Variants in XPC observed in about 807,000 individuals in gnomAD.
XPC encodes the protein XPC complex subunit, DNA damage recognition and repair factor.
XPC carries 76 observed loss-of-function variants against 95.8 expected under a neutral mutation model. That is an observed-to-expected ratio of 0.79 (90% CI 0.66 to 0.96). The LOEUF is 0.96. Among genes scored for constraint, XPC ranks in the 40% least tolerant of loss-of-function variants. XPC has a pLI of 0.00. For synonymous variants in XPC, 442 were observed against 442.1 expected, an observed-to-expected ratio of 1.00 and a Z score of 0.00; for missense variants, 1,146 against 1,179.8, an observed-to-expected ratio of 0.97 and a Z score of 0.42.
At chr3:14,172,771 G>A in intron 2 of XPC, 96 bp downstream of exon 2, 2 of 1,347,964 alleles carry the variant, frequency 1.5e-6, no homozygotes, top group Non-Finnish European at 2.0e-6. Context: ...AATCTTCCAT[G>A]GACCCCAGTG....
chr3:14,174,372 T>C (rs1376836886), intron 1 of XPC, among the ~76,000 whole-genome samples: 1 of 152,218 alleles, frequency 6.6e-6, no homozygotes, highest in Non-Finnish European at 1.5e-5. Context: ...TTCTGGATCT[T>C]ACAATGGTAG....
intron 7 of XPC, among the ~76,000 whole-genome samples, chr3:14,161,063 C>T (rs1212170453): frequency 6.6e-6 from 1 of 152,156 alleles, no homozygotes; most frequent in African/African-American, 2.4e-5. Flanking sequence ...CAGAACTGTA[C>T]GATCCCTACA....
intron 2 of XPC, among the ~76,000 whole-genome samples, chr3:14,170,979 T>G (rs1279814531): frequency 6.6e-6 from 1 of 152,196 alleles, no homozygotes; most frequent in Non-Finnish European, 1.5e-5. Flanking sequence ...TTTTCCATCT[T>G]TAAGAAATAT....
At chr3:14,170,762 C>G (rs1574975208) in intron 2 of XPC, 2 of 403,728 alleles carry the variant, frequency 5.0e-6, no homozygotes, top group East Asian at 7.6e-5. Flanking sequence ...TAATTACTAC[C>G]AGATGTGCTG....
At chr3:14,156,276 A>C in intron 10 of XPC, 59 bp downstream of exon 10, 1 of 1,553,016 alleles carries the variant, frequency 6.4e-7, no homozygotes, top group Non-Finnish European at 8.7e-7. Context: ...CCTAGGAAGA[A>C]GGCTGCTAAT....
chr3:14,158,381 G>A lies in XPC; in HGVS notation c.1502C>T (p.Ser501Phe), dbSNP rs202160303. The change falls in exon 9 of 16, where the codon TCC becomes TTC. Residue 501 changes from serine (S) to phenylalanine (F), a missense_variant. By Grantham distance (155) the Ser-to-Phe change is radical (BLOSUM62 -2). Coordinates refer to ENST00000285021, the MANE Select transcript of XPC (RefSeq NM_004628.5). This position sits in a 1 kb window ranked among gnomAD's most constrained non-coding sequence, Gnocchi z 5.2. ...TCTTTTACTGCTTGAAGAGCTTGAG[G>A]ATGCCGCTGGCAAGCTTGGGTCCTT... ...HRKDPSLPAA[S>F]SSSSSSKRGK... 2.5e-6 allele frequency: 4 copies of A among 1,613,830 alleles called. No individual in the cohort carries two copies. Among genetic ancestry groups the A allele is most frequent in the Non-Finnish European group, 3.4e-6 (4 of 1,179,880 alleles).
At chr3:14,177,110 T>C (rs1379974214) in intron 1 of XPC, among the ~76,000 whole-genome samples, 1 of 152,130 alleles carries the variant, frequency 6.6e-6, no homozygotes, top group South Asian at 2.1e-4. Flanking sequence ...AAATAAAATA[T>C]TTATTTAGCA....
chr3:14,155,643 C>T (rs1021393409), intron 10 of XPC, among the ~76,000 whole-genome samples: 7 of 152,018 alleles, frequency 4.6e-5, no homozygotes, highest in South Asian at 2.1e-4. Flanking sequence ...CTGCAAGCTC[C>T]GCCTCCCGGG....
rs1343017641 is a variant in XPC, at chr3:14,146,029, T to G, written c.2735A>C (p.Glu912Ala). 6.2e-7 allele frequency: 1 copy of G among 1,612,688 alleles called. No homozygotes were observed. The highest frequency in any genetic ancestry group is 1.3e-5 in the African/African-American group (1 of 74,732). Reference protein sequence around the residue: ...ASWPQNREDEEKQKLKGGPKK... With the variant: ...ASWPQNREDEAKQKLKGGPKK... ...GGGCCCACCCTTCAGCTTCTGCTTT[T>G]CTTCATCTTCTCGGTTTTGAGGCCA... The change falls in exon 16 of 16, where the codon GAA (glutamate) becomes GCA (alanine). Residue 912 changes from glutamate (E) to alanine (A), a missense_variant. Glu to Ala is a moderately radical substitution (Grantham distance 107). Transcript: ENST00000285021.
Position 14,178,503 on chromosome 3 carries a change from C to T in XPC, c.66G>A (p.Lys22=). 2 of 1,612,708 alleles carry T rather than the reference C, an allele frequency of 1.2e-6. No homozygotes were observed. The highest frequency in any genetic ancestry group is 8.5e-7 in the Non-Finnish European group (1 of 1,179,478). The part of the protein sequence containing the change: ...RGRELRSQKS[K]AKSKARREEE... ...CCTCACGCCGGGCCTTGCTCTTGGC[C>T]TTGGATTTCTGGCTGCGCAGTTCGC... Residue 22 remains lysine, a synonymous_variant, in exon 1 of 16, where the codon AAG becomes AAA. Coordinates refer to ENST00000285021, the MANE Select transcript of XPC (RefSeq NM_004628.5).
chr3:14,174,179 GA>G (rs1696721345), intron 1 of XPC, among the ~76,000 whole-genome samples: 1 of 152,078 alleles, frequency 6.6e-6, no homozygotes, highest in South Asian at 2.1e-4. Flanking sequence ...TATAAAAAAG[GA>G]ATTTATGCAT....
rs368384154 is a variant in XPC at position 14,145,994 on chromosome 3, T to C, written c.2770A>G (p.Lys924Glu). ...QKLKGGPKKTKREKKAAASHL... is the reference protein window; with the variant it reads ...QKLKGGPKKTEREKKAAASHL... ...GAAGCTGCTGCTTTCTTTTCCCTTT[T>C]GGTCTTCTTGGGCCCACCCTTCAGC... The change falls in exon 16 of 16, where the codon AAA becomes GAA. Residue 924 changes from lysine to glutamate, a missense_variant. By Grantham distance (56) the Lys-to-Glu change is moderately conservative. Coordinates refer to ENST00000285021, the MANE Select transcript of XPC (RefSeq NM_004628.5). 2.5e-6 allele frequency: 4 copies of C among 1,610,048 alleles called. No individual in the cohort carries two copies. The African/African-American group carries it at 5.4e-5, about 22-fold the overall frequency.
chr3:14,151,539 C>T (rs1031199266), intron 11 of XPC: 2 of 152,238 alleles, frequency 1.3e-5, no homozygotes, highest in African/African-American at 4.8e-5. Context: ...TGACCAGCGC[C>T]TGCAGCCTTT....
At chr3:14,154,694 A>G (rs1278402329) in intron 10 of XPC, among the ~76,000 whole-genome samples, 1 of 152,146 alleles carries the variant, frequency 6.6e-6, no homozygotes, top group East Asian at 1.9e-4. Flanking sequence ...GAAGAGGAAA[A>G]GAAATCTGGA....
rs754180933 is a variant in XPC, at chr3:14,145,741, AGGGCT to A, written c.*195_*199del. On this transcript the variant is annotated 3_prime_UTR_variant, in exon 16 of 16. Coordinates refer to ENST00000285021, the MANE Select transcript of XPC (RefSeq NM_004628.5). The stretch of plus-strand genomic sequence containing the variant: ...GGCTTCACCCTGGGTGAATCTGACA[AGGGCT>A]GGAGCCAGACGGGACCTGCAGCACC... 1 of 726,636 alleles carries A rather than the reference AGGGCT, an allele frequency of 1.4e-6. No homozygotes were observed. Among genetic ancestry groups the A allele is most frequent in the Admixed American group, 2.0e-5 (1 of 50,024 alleles). 45.0% of individuals were successfully genotyped at this position (726,636 alleles called of 1,614,324 possible). A position where few individuals can be genotyped will look rare whatever the true frequency, so the allele number is the denominator to read the frequency against.
Position 14,145,524 on chromosome 3 carries a change from A to T in XPC, c.*417T>A. 1.4e-6 allele frequency: 1 copy of T among 700,048 alleles called. No individual in the cohort carries two copies. Among genetic ancestry groups the T allele is most frequent in the Non-Finnish European group, 2.6e-6 (1 of 384,546 alleles). The allele number at this position is 700,048 out of a possible 1,614,324, so 43.4% of individuals were successfully genotyped here. Reference sequence around the variant, plus strand: ...GCGAGTGAACTTGTCGGACAGATGAAGACTCTAACTGGAAGAAACGATCAG... The same window carrying T: ...GCGAGTGAACTTGTCGGACAGATGATGACTCTAACTGGAAGAAACGATCAG... On this transcript the variant is annotated 3_prime_UTR_variant, in exon 16 of 16. Coordinates refer to ENST00000285021, the MANE Select transcript of XPC (RefSeq NM_004628.5).
chr3:14,177,493 A>C (rs1696873971), intron 1 of XPC, among the ~76,000 whole-genome samples: 1 of 152,166 alleles, frequency 6.6e-6, no homozygotes, highest in Admixed American at 6.5e-5. Flanking sequence ...AGGAACATCA[A>C]AGGAAAAGAC....
intron 1 of XPC, among the ~76,000 whole-genome samples, chr3:14,176,442 A>C (rs150596006): frequency 6.5e-4 from 99 of 152,340 alleles, no homozygotes; most frequent in Admixed American, 1.1e-3. Context: ...CACAATATTT[A>C]GCACACTTTG....
At chr3:14,146,612 G>A (rs1041452919) in intron 15 of XPC, among the ~76,000 whole-genome samples, 3 of 152,172 alleles carry the variant, frequency 2.0e-5, no homozygotes, top group Admixed American at 6.5e-5. Flanking sequence ...TGGAGAAGGC[G>A]GCAAGGAGCT....
Sources: gnomAD v4.1 joint callset for allele counts (sites outside exome capture counted in the v4.1 genomes callset) on GRCh38, gnomAD v4.1.1 for gene constraint, Gnocchi (gnomAD v3.1) non-coding constraint, MANE v1.5 for transcripts, NCBI Gene and HGNC (gene_info 2026-07-23, HGNC 2026-07-21) for gene names.